MOBP: variants seen among roughly 807,000 people sequenced by gnomAD.
MOBP encodes the protein myelin-associated oligodendrocyte basic protein.
In MOBP, 5 loss-of-function variants were observed where a neutral mutation model predicts 15.0. That is an observed-to-expected ratio of 0.33 (90% CI 0.17 to 0.70). The LOEUF (loss-of-function observed/expected upper bound fraction) is 0.70, where lower values mean the gene tolerates loss of function less well. MOBP is among the 30% of genes least tolerant of loss of function. MOBP has a pLI of 0.67. For missense variants in MOBP, 188 were observed against 257.8 expected (o/e 0.73, Z 1.85); for synonymous variants, 88 against 99.0 (o/e 0.89, Z 0.66).
rs2042984027 is a variant in MOBP at position 39,502,357 on chromosome 3, C to G, written c.206+82C>G. 2 of 1,585,606 alleles carry G rather than the reference C, an allele frequency of 1.3e-6. No homozygotes were observed. Among genetic ancestry groups the G allele is most frequent in the African/African-American group, 2.7e-5 (2 of 74,604 alleles). On this transcript the variant is annotated intron_variant, in intron 3 of 3. Coordinates refer to ENST00000684792, the MANE Select transcript of MOBP (RefSeq NM_001393704.1). This position sits in a 1 kb window ranked among gnomAD's most constrained non-coding sequence, Gnocchi z 6.3. ...CCAGCACGCCCCTCCCGCTCCGCAC[C>G]CCACTCTTCCCCCTAGTCGGCTCCG... is the stretch of plus-strand genomic sequence containing the variant.
At chr3:39,503,553 AT>A (rs5848509), downstream of MOBP, among the ~76,000 whole-genome samples, 6,037 of 137,736 alleles carry the variant, frequency 0.044, 368 homozygotes, top group African/African-American at 0.15. Context: ...TCTGTAGGCT[AT>A]TTTTTTTTTT....
chr3:39,514,507 C>A (rs924929472), exon 5 of MOBP: 3 of 152,346 alleles, frequency 2.0e-5, no homozygotes, highest in African/African-American at 7.2e-5. Flanking sequence ...CCTGGTCCCC[C>A]CAGTGCTTTC....
downstream of MOBP, chr3:39,517,775 C>T (rs998587525): frequency 1.1e-4 from 16 of 152,118 alleles, no homozygotes; most frequent in African/African-American, 3.6e-4. Context: ...CTGGGTTTAT[C>T]CAAAGTACAG....
chr3:39,519,505 C>CTTT (rs3036572), downstream of MOBP, among the ~76,000 whole-genome samples: 1 of 131,578 alleles, frequency 7.6e-6, no homozygotes, highest in Non-Finnish European at 1.6e-5. Flanking sequence ...TAAATGGCAT[C>CTTT]TTTTTTTTTT....
At chr3:39,491,318 T>TA (rs2042791894) in intron 2 of MOBP, among the ~76,000 whole-genome samples, 2 of 152,196 alleles carry the variant, frequency 1.3e-5, no homozygotes, top group African/African-American at 4.8e-5. Flanking sequence ...AATTCTTTTT[T>TA]ATCTTCTCTG....
Position 39,502,218 on chromosome 3 carries a change from G to C in MOBP, c.149G>C (p.Gly50Ala). The C allele has an allele frequency of 6.2e-7, 1 of 1,614,204 alleles. No homozygotes were observed. The highest frequency in any genetic ancestry group is 8.5e-7 in the Non-Finnish European group (1 of 1,180,036). Residue 50 changes from glycine (G) to alanine (A), a missense_variant, in exon 3 of 4, where the codon GGC (glycine) becomes GCC (alanine). By Grantham distance (60) the Gly-to-Ala change is moderately conservative. Around this residue, in one of 2 missense-constraint regions of MOBP, gnomAD observed 133 missense variants for 212.5 expected, o/e 0.63. Transcript: ENST00000684792. The surrounding 1 kb of genome is among the most constrained non-coding windows in gnomAD (Gnocchi z 6.3). ...CGGAAATACAGCATCTGTAAGAGCGGCTGCTTCTACCAGAAGAAAGAGGAG... is the reference window on the plus strand; with the variant it reads ...CGGAAATACAGCATCTGTAAGAGCGCCTGCTTCTACCAGAAGAAAGAGGAG... ...VDRKYSICKSGCFYQKKEEDW... is the reference protein window; with the variant it reads ...VDRKYSICKSACFYQKKEEDW...
chr3:39,506,080 A>G (rs1351404830), downstream of MOBP, among the ~76,000 whole-genome samples: 1 of 151,594 alleles, frequency 6.6e-6, no homozygotes, highest in Non-Finnish European at 1.5e-5. Flanking sequence ...TGATCTTCCA[A>G]CCTCTTATCT....
chr3:39,522,955 C>A (rs146072557), intron 3 of MOBP, among the ~76,000 whole-genome samples: 1,671 of 152,344 alleles, frequency 0.011, 15 homozygotes, highest in African/African-American at 0.02. Context: ...AAACTAATGC[C>A]ATCCATTTAG....
At position 39,477,889 on chromosome 3, in the gene MOBP, A is replaced by G. The variant is rs570318099; in HGVS notation, c.-88-2151A>G. Among the ~76,000 whole-genome samples, 36 of 152,180 alleles carry G rather than the reference A, an allele frequency of 2.4e-4. No homozygotes were observed. In the East Asian group the frequency reaches 6.2e-3, roughly 26 times the overall value. ...TTAAAAATAGAAAAAAGCTTATAGAATAAGAATATAAAGACAAAATACTTT... is the reference window on the plus strand; with the variant it reads ...TTAAAAATAGAAAAAAGCTTATAGAGTAAGAATATAAAGACAAAATACTTT... On this transcript the variant is annotated intron_variant, in intron 1 of 3. Coordinates refer to ENST00000684792, the MANE Select transcript of MOBP (RefSeq NM_001393704.1).
chr3:39,495,362 T>A (rs1213939346), intron 2 of MOBP, among the ~76,000 whole-genome samples: 1 of 152,158 alleles, frequency 6.6e-6, no homozygotes, highest in Non-Finnish European at 1.5e-5. Context: ...AAAATTATTT[T>A]AATATTTGTG....
At chr3:39,526,471 GGA>G (rs2043324921), downstream of MOBP, 1 of 152,122 alleles carries the variant, frequency 6.6e-6, no homozygotes, top group South Asian at 2.1e-4. Context: ...TATCTTTTAA[GGA>G]TTGGTTCTGA....
At chr3:39,507,069 T>C (rs2043058239), downstream of MOBP, among the ~76,000 whole-genome samples, 1 of 152,230 alleles carries the variant, frequency 6.6e-6, no homozygotes, top group Non-Finnish European at 1.5e-5. Flanking sequence ...GGTTCCCTAC[T>C]GAGCTCTCTG....
intron 2 of MOBP, among the ~76,000 whole-genome samples, chr3:39,482,261 A>G (rs1559416821): frequency 6.6e-6 from 1 of 152,166 alleles, no homozygotes; most frequent in African/African-American, 2.4e-5. Flanking sequence ...TACTCTTGGA[A>G]TATTTTGTCA....
chr3:39,520,271 C>T (rs1445320855), downstream of MOBP, among the ~76,000 whole-genome samples: 3 of 152,216 alleles, frequency 2.0e-5, no homozygotes, highest in Non-Finnish European at 1.5e-5. Flanking sequence ...GACACAGTTA[C>T]ATTAGATTAT....
chr3:39,516,988 C>A (rs553745635), downstream of MOBP, among the ~76,000 whole-genome samples: 1 of 152,084 alleles, frequency 6.6e-6, no homozygotes, highest in Admixed American at 6.5e-5. Flanking sequence ...GCTGGAGGGG[C>A]CCTGGGAGGG....
At chr3:39,506,686 G>T (rs1481117296), downstream of MOBP, among the ~76,000 whole-genome samples, 1 of 152,202 alleles carries the variant, frequency 6.6e-6, no homozygotes, top group African/African-American at 2.4e-5. Flanking sequence ...AGCTTGTTAA[G>T]GAGATGGCAA....
chr3:39,469,087 T>C (rs538136250), intron 1 of MOBP, among the ~76,000 whole-genome samples: 2 of 65,658 alleles, frequency 3.0e-5, no homozygotes, highest in Admixed American at 1.3e-4. Context: ...TGTGTGTATA[T>C]ACATATATAC....
chr3:39,522,051 C>A (rs2043275304), intron 3 of MOBP, among the ~76,000 whole-genome samples: 1 of 152,176 alleles, frequency 6.6e-6, no homozygotes, highest in Admixed American at 6.5e-5. Context: ...TTGACCACAG[C>A]AGCTATTGCT....
chr3:39,487,518 CTTTTTTTTTT>C (rs1216386382), intron 2 of MOBP, among the ~76,000 whole-genome samples: 10,369 of 102,556 alleles, frequency 0.1, 659 homozygotes, highest in African/African-American at 0.21. Flanking sequence ...AATTTTCTTT[CTTTTTTTTTT>C]TTTTTTTTTT....
Sources: allele counts gnomAD v4.1 joint callset (sites outside exome capture counted in the v4.1 genomes callset), GRCh38; gene constraint gnomAD v4.1.1; regional missense constraint gnomAD v4.1.1; non-coding constraint Gnocchi (gnomAD v3.1); transcripts MANE v1.5; gene names NCBI Gene and HGNC (gene_info 2026-07-23, HGNC 2026-07-21).